Variants in NFATC3 observed in about 807,000 individuals in gnomAD.
NFATC3 encodes nuclear factor of activated T cells 3, also known as nuclear factor of activated T-cells, cytoplasmic 3.
NFATC3 carries 46 observed loss-of-function variants against 98.6 expected under a neutral mutation model. The observed-to-expected ratio is 0.47, with a 90% CI of 0.37 to 0.60. The LOEUF is 0.60. NFATC3 is among the 20% of genes least tolerant of loss of function. The probability of loss-of-function intolerance (pLI) is 0.00; values close to 1 mark genes in which losing one functional copy is unlikely to be tolerated. For missense variants in NFATC3, 1,256 were observed against 1,295.5 expected, an observed-to-expected ratio of 0.97 and a Z score of 0.47; for synonymous variants, 512 against 472.2, an observed-to-expected ratio of 1.08 and a Z score of -1.09.
intron 4 of NFATC3, among the ~76,000 whole-genome samples, chr16:68,162,107 C>T (rs1598474757): frequency 6.6e-6 from 1 of 152,308 alleles, no homozygotes; most frequent in East Asian, 1.9e-4. Flanking sequence ...CCCTACCACA[C>T]ACATACCTAA....
intron 1 of NFATC3, among the ~76,000 whole-genome samples, chr16:68,102,349 G>A (rs2035411424): frequency 1.5e-5 from 2 of 131,832 alleles, no homozygotes; most frequent in African/African-American, 2.8e-5. Flanking sequence ...TCCAGCCCTG[G>A]TGACAGTGTG....
In NFATC3 at chr16:68,226,364, G is replaced by C. The variant is rs760213532; in HGVS notation, c.3121G>C (p.Gly1041Arg). Residue 1041 changes from glycine (G) to arginine (R), a missense_variant, in exon 10 of 10, where the codon GGG becomes CGG. By Grantham distance (125) the Gly-to-Arg change is moderately radical. Transcript: ENST00000346183. The stretch of plus-strand genomic sequence containing the variant: ...TTGTTTTTCAGTGAACGAGATAATT[G>C]GGAGAGACATGTCCCAGATTTCTGT... ...ITLDDVNEIIGRDMSQISVSQ... is the reference protein window; with the variant it reads ...ITLDDVNEIIRRDMSQISVSQ... The C allele has an allele frequency of 2.5e-6, 4 of 1,569,700 alleles. No individual in the cohort carries two copies. Among genetic ancestry groups the C allele is most frequent in the Non-Finnish European group, 3.4e-6 (4 of 1,163,042 alleles).
chr16:68,138,642 C>T, intron 3 of NFATC3: 3 of 1,288,866 alleles, frequency 2.3e-6, no homozygotes, highest in Non-Finnish European at 3.0e-6. Flanking sequence ...TATCAATCAT[C>T]ACCACTTACA....
At chr16:68,222,289 C>CCAAAAAAAAAAAAA (rs1372339245) in intron 9 of NFATC3, among the ~76,000 whole-genome samples, 2 of 26,404 alleles carry the variant, frequency 7.6e-5, no homozygotes, top group African/African-American at 1.9e-4. Context: ...ACCCCATTGC[C>CCAAAAAAAAAAAAA]AAAAAAAAAA....
chr16:68,166,929 G>A lies in NFATC3; in HGVS notation c.1688G>A (p.Arg563Lys). Residue 563 changes from arginine to lysine, a missense_variant, in exon 5 of 10, where the codon AGA (arginine) becomes AAA (lysine). Coordinates refer to ENST00000346183, the MANE Select transcript of NFATC3 (RefSeq NM_173165.3). ...GETDIGRKNT[R>K]VRLVFRVHIP... ...ACTGATATTGGCAGAAAGAATACTAGAGTACGACTTGTGTTTCGTGTACAC... is the reference window on the plus strand; with the variant it reads ...ACTGATATTGGCAGAAAGAATACTAAAGTACGACTTGTGTTTCGTGTACAC... The A allele has an allele frequency of 6.2e-7, 1 of 1,614,138 alleles. No individual in the cohort carries two copies. Among genetic ancestry groups the A allele is most frequent in the Non-Finnish European group, 8.5e-7 (1 of 1,179,984 alleles).
In NFATC3 at chr16:68,126,312, TA is replaced by T. The variant is rs1344393161; in HGVS notation, c.1239-133del. ...CACCATAACCAGAATTGTAACTTAC[TA>T]AATGAAGTTTTATTTTGTAATACAT... On this transcript the variant is annotated intron_variant, in intron 2 of 9. Coordinates refer to ENST00000346183, the MANE Select transcript of NFATC3 (RefSeq NM_173165.3). 74 of 675,060 alleles carry T rather than the reference TA, an allele frequency of 1.1e-4. 1 individual carries two copies. In the African/African-American group the frequency reaches 1.3e-3, roughly 12 times the overall value. 41.8% of individuals were successfully genotyped at this position (675,060 alleles called of 1,614,324 possible). A position where few individuals can be genotyped will look rare whatever the true frequency, so the allele number is the denominator to read the frequency against.
intron 9 of NFATC3, among the ~76,000 whole-genome samples, chr16:68,223,894 CA>C (rs1190287100): frequency 0.04 from 2,308 of 58,334 alleles, 40 homozygotes; most frequent in Admixed American, 0.097. Flanking sequence ...GACTCCATCT[CA>C]AAAAAAAAAA....
intron 6 of NFATC3, among the ~76,000 whole-genome samples, chr16:68,176,329 A>C (rs2151616638): frequency 6.6e-6 from 1 of 152,060 alleles, no homozygotes; most frequent in Admixed American, 6.6e-5. Flanking sequence ...AAAAAATGGA[A>C]ACAACCTAAA....
Position 68,181,603 on chromosome 16 carries a change from G to T in NFATC3, c.1971+73G>T, listed in dbSNP as rs1026771010. On this transcript the variant is annotated intron_variant, in intron 7 of 9. Transcript: ENST00000346183. ...GAAAATTGAATAATGCTGCTTTATG[G>T]TATGGATGACTCTTTTGTATATTGA... 1.7e-5 allele frequency: 19 copies of T among 1,130,156 alleles called. No individual in the cohort carries two copies. The Admixed American group carries it at 3.1e-4, about 19-fold the overall frequency. 70.0% of individuals were successfully genotyped at this position (1,130,156 alleles called of 1,614,324 possible).
At chr16:68,198,604 G>T (rs1454297418) in intron 9 of NFATC3, among the ~76,000 whole-genome samples, 2 of 152,036 alleles carry the variant, frequency 1.3e-5, no homozygotes, top group African/African-American at 4.8e-5. Context: ...AGGAACCAGG[G>T]TAATCTTAAG....
chr16:68,148,879 C>T (rs1008889670), intron 3 of NFATC3, among the ~76,000 whole-genome samples: 1 of 152,054 alleles, frequency 6.6e-6, no homozygotes, highest in Non-Finnish European at 1.5e-5. Context: ...CATGGTGGCT[C>T]ATGCCTGTAG....
At chr16:68,214,485 C>T in intron 9 of NFATC3, 1 of 1,493,032 alleles carries the variant, frequency 6.7e-7, no homozygotes. Flanking sequence ...CTGGTATTTG[C>T]ATGCAGTGGC....
intron 5 of NFATC3, among the ~76,000 whole-genome samples, chr16:68,169,237 G>T (rs1177351681): frequency 1.3e-5 from 2 of 152,174 alleles, no homozygotes; most frequent in Non-Finnish European, 1.5e-5. Flanking sequence ...TCTATGCCCA[G>T]GTAAGCATAG....
At chr16:68,182,666 G>A (rs556593650) in intron 7 of NFATC3, among the ~76,000 whole-genome samples, 9 of 151,952 alleles carry the variant, frequency 5.9e-5, no homozygotes, top group Non-Finnish European at 8.8e-5. Flanking sequence ...GACTACAGGC[G>A]TGCAATATCA....
At chr16:68,154,587 C>T (rs2038511472) in intron 3 of NFATC3, among the ~76,000 whole-genome samples, 1 of 152,146 alleles carries the variant, frequency 6.6e-6, no homozygotes, top group South Asian at 2.1e-4. Flanking sequence ...TAAGGAGACT[C>T]AGATATTATA....
At chr16:68,165,340 C>T (rs1218845821) in intron 4 of NFATC3, among the ~76,000 whole-genome samples, 2 of 146,080 alleles carry the variant, frequency 1.4e-5, no homozygotes, top group African/African-American at 5.0e-5. Context: ...GGCTTAATTC[C>T]TTTTGGGATT....
intron 1 of NFATC3, among the ~76,000 whole-genome samples, chr16:68,110,304 C>G (rs190040507): frequency 2.1e-4 from 31 of 147,990 alleles, no homozygotes; most frequent in Non-Finnish European, 3.7e-4. Context: ...CGTGCCTGGC[C>G]TGAATTTTTT....
intron 9 of NFATC3, chr16:68,192,279 G>GTGTA (rs2040471321): frequency 1.6e-5 from 2 of 126,000 alleles, no homozygotes; most frequent in African/African-American, 6.0e-5. Context: ...ATATGTATGT[G>GTGTA]TATATATATA....
intron 9 of NFATC3, among the ~76,000 whole-genome samples, chr16:68,208,944 C>T (rs769245519): frequency 2.6e-5 from 4 of 152,078 alleles, no homozygotes; most frequent in African/African-American, 9.7e-5. Context: ...ATAATTTTCT[C>T]TCTTCCTTTT....
Sources: allele counts gnomAD v4.1 joint callset (sites outside exome capture counted in the v4.1 genomes callset), GRCh38; gene constraint gnomAD v4.1.1; transcripts MANE v1.5; gene names NCBI Gene and HGNC (gene_info 2026-07-23, HGNC 2026-07-21).